The following ENTPD1 variants were observed in gnomAD, a reference collection of about 807,000 sequenced individuals.
The protein encoded by ENTPD1 is ectonucleoside triphosphate diphosphohydrolase 1.
In ENTPD1, 33 loss-of-function variants were observed where a neutral mutation model predicts 57.0. The observed-to-expected ratio is 0.58, with a 90% CI of 0.44 to 0.77. The LOEUF is 0.77. ENTPD1 is among the 30% of genes least tolerant of loss of function. The probability of loss-of-function intolerance (pLI) is 0.00; values close to 1 mark genes in which losing one functional copy is unlikely to be tolerated. For missense variants in ENTPD1, 501 were observed against 603.4 expected, an observed-to-expected ratio of 0.83 and a Z score of 1.78; for synonymous variants, 202 against 218.8, an observed-to-expected ratio of 0.92 and a Z score of 0.68.
chr10:95,759,372 C>T (rs550911970), intron 1 of ENTPD1, among the ~76,000 whole-genome samples: 31 of 152,332 alleles, frequency 2.0e-4, no homozygotes, highest in African/African-American at 7.2e-4. Flanking sequence ...ACTTCAGCCC[C>T]TACTCCCTGC....
rs773082511 is a variant in ENTPD1, at chr10:95,870,522, TC to T, written c.*4141del. ...TCGAACTCCTGCCCTCAAGCAATCC[TC>T]CTGCCTTGGCCTCCCAAAGTGTTGA... is the stretch of plus-strand genomic sequence containing the variant. On this transcript the variant is annotated 3_prime_UTR_variant, in exon 10 of 10. Coordinates refer to ENST00000371205, the MANE Select transcript of ENTPD1 (RefSeq NM_001776.6). 25 of 973,500 alleles carry T rather than the reference TC, an allele frequency of 2.6e-5. No individual in the cohort carries two copies. The highest frequency in any genetic ancestry group is 3.1e-5 in the Non-Finnish European group (25 of 819,166). 60.3% of individuals were successfully genotyped at this position (973,500 alleles called of 1,614,324 possible).
chr10:95,872,754 G>C lies in ENTPD1; in HGVS notation c.*6371G>C. ...CTACAAACCCTTCTGTTGCTGGCGA[G>C]CTGGTCCGCACCACTAGTTCTGCTT... is the stretch of plus-strand genomic sequence containing the variant. On this transcript the variant is annotated 3_prime_UTR_variant, in exon 10 of 10. Coordinates refer to ENST00000371205, the MANE Select transcript of ENTPD1 (RefSeq NM_001776.6). 14 of 985,448 alleles carry C rather than the reference G, an allele frequency of 1.4e-5. No homozygotes were observed. The highest frequency in any genetic ancestry group is 1.6e-5 in the Non-Finnish European group (13 of 829,936). The allele number at this position is 985,448 out of a possible 1,614,324, so 61.0% of individuals were successfully genotyped here.
At chr10:95,838,242 C>T (rs558264123) in intron 2 of ENTPD1, among the ~76,000 whole-genome samples, 1 of 152,156 alleles carries the variant, frequency 6.6e-6, no homozygotes, top group Admixed American at 6.5e-5. Context: ...TGAGTAAGCC[C>T]AGAGATATAA....
intron 1 of ENTPD1, among the ~76,000 whole-genome samples, chr10:95,781,222 A>G (rs2098156339): frequency 6.6e-6 from 1 of 152,018 alleles, no homozygotes; most frequent in Non-Finnish European, 1.5e-5. Flanking sequence ...TTGAACTGAG[A>G]GAGAGTAGAA....
At chr10:95,805,293 A>C (rs1458769837) in intron 1 of ENTPD1, among the ~76,000 whole-genome samples, 2 of 151,910 alleles carry the variant, frequency 1.3e-5, no homozygotes, top group East Asian at 1.9e-4. Flanking sequence ...TCTGTTTTAC[A>C]AGAGACTAGG....
chr10:95,864,786 C>T lies in ENTPD1; in HGVS notation c.1251C>T (p.Thr417=), dbSNP rs774254302. 12 of 1,613,926 alleles carry T rather than the reference C, an allele frequency of 7.4e-6. No homozygotes were observed. The highest frequency in any genetic ancestry group is 1.7e-4 in the Middle Eastern group (1 of 6,056). The part of the protein sequence containing the change: ...KYLSEYCFSG[T]YILSLLLQGY... ...TGAGTGAATACTGCTTTTCTGGTACCTACATTCTCTCCCTCCTTCTGCAAG... is the reference window on the plus strand; with the variant it reads ...TGAGTGAATACTGCTTTTCTGGTACTTACATTCTCTCCCTCCTTCTGCAAG... The change falls in exon 9 of 10, where the codon ACC becomes ACT. Residue 417 remains threonine, a synonymous_variant. Transcript: ENST00000371205.
the ENTPD1 span, among the ~76,000 whole-genome samples, chr10:95,694,330 C>T: frequency 6.6e-6 from 1 of 151,944 alleles, no homozygotes; most frequent in Non-Finnish European, 1.5e-5. Flanking sequence ...GGTGAGAAAC[C>T]CTTTCTATGG....
At chr10:95,715,626 C>A (rs1234822459) in intron 1 of ENTPD1, among the ~76,000 whole-genome samples, 1 of 151,796 alleles carries the variant, frequency 6.6e-6, no homozygotes, top group Non-Finnish European at 1.5e-5. Flanking sequence ...TCCTCTGTTC[C>A]CCTTTTACTG....
At chr10:95,741,064 G>T (rs1347752122) in intron 1 of ENTPD1, among the ~76,000 whole-genome samples, 2 of 152,102 alleles carry the variant, frequency 1.3e-5, no homozygotes, top group Non-Finnish European at 2.9e-5. Context: ...AATTTTCTTT[G>T]CGTTCATAAC....
chr10:95,775,032 T>G (rs1321320122), intron 1 of ENTPD1, among the ~76,000 whole-genome samples: 5 of 152,180 alleles, frequency 3.3e-5, no homozygotes, highest in African/African-American at 1.2e-4. Flanking sequence ...AGTTCTCCTT[T>G]AAGGGGTCCT....
chr10:95,798,677 T>C (rs1434213623), intron 1 of ENTPD1, among the ~76,000 whole-genome samples: 1 of 152,140 alleles, frequency 6.6e-6, no homozygotes, highest in Non-Finnish European at 1.5e-5. Context: ...CCCAGAGTCT[T>C]TGGGTTTTTA....
intron 5 of ENTPD1, 76 bp downstream of exon 5, chr10:95,844,711 C>A: frequency 1.3e-6 from 2 of 1,554,176 alleles, no homozygotes; most frequent in South Asian, 1.1e-5. Context: ...GTACTTGGGT[C>A]GCTAGCCAGA....
At chr10:95,774,847 G>GT (rs1001723207) in intron 1 of ENTPD1, among the ~76,000 whole-genome samples, 1 of 152,198 alleles carries the variant, frequency 6.6e-6, no homozygotes, top group Non-Finnish European at 1.5e-5. Context: ...CTTTAAAGTA[G>GT]TTTTTTCCAA....
chr10:95,877,062 G>T lies in ENTPD1; in HGVS notation c.*10679G>T, dbSNP rs896522286. Among the ~76,000 whole-genome samples, 4 of 152,152 alleles carry T rather than the reference G, an allele frequency of 2.6e-5. No individual in the cohort carries two copies. The highest frequency in any genetic ancestry group is 9.7e-5 in the African/African-American group (4 of 41,442). On this transcript the variant is annotated 3_prime_UTR_variant, in exon 10 of 10. Coordinates refer to ENST00000371205, the MANE Select transcript of ENTPD1 (RefSeq NM_001776.6). ...TGCAGGGAGAACCAGAACCACAGCA[G>T]CTCTATTTGCCTATTCCTCTTTAAA...
At chr10:95,762,068 G>T (rs1158180916) in intron 1 of ENTPD1, among the ~76,000 whole-genome samples, 2 of 152,150 alleles carry the variant, frequency 1.3e-5, no homozygotes, top group African/African-American at 2.4e-5. Context: ...AGTAGAGGTT[G>T]TCTAACATGT....
intron 2 of ENTPD1, among the ~76,000 whole-genome samples, chr10:95,831,724 C>T (rs917394247): frequency 2.0e-5 from 3 of 152,244 alleles, no homozygotes; most frequent in Non-Finnish European, 4.4e-5. Flanking sequence ...GGGTTCAGCC[C>T]TGCTGGGGAG....
At chr10:95,805,032 C>A (rs971407978) in intron 1 of ENTPD1, among the ~76,000 whole-genome samples, 2 of 152,162 alleles carry the variant, frequency 1.3e-5, no homozygotes, top group East Asian at 1.9e-4. Context: ...GAGTTCAAGT[C>A]CTGGATATCC....
At chr10:95,836,461 T>G (rs2098409896) in intron 2 of ENTPD1, among the ~76,000 whole-genome samples, 1 of 152,194 alleles carries the variant, frequency 6.6e-6, no homozygotes, top group Non-Finnish European at 1.5e-5. Flanking sequence ...TTACTTCATT[T>G]TATAAGTGAT....
intron 1 of ENTPD1, among the ~76,000 whole-genome samples, chr10:95,768,043 C>A (rs937983573): frequency 1.5e-4 from 23 of 152,258 alleles, no homozygotes; most frequent in African/African-American, 5.3e-4. Context: ...AGGCCCTTGC[C>A]AGATGCTGGC....
Sources: allele counts gnomAD v4.1 joint callset (sites outside exome capture counted in the v4.1 genomes callset), GRCh38; gene constraint gnomAD v4.1.1; transcripts MANE v1.5; gene names NCBI Gene and HGNC (gene_info 2026-07-23, HGNC 2026-07-21).